The following TRHDE variants were observed in gnomAD, a reference collection of about 807,000 sequenced individuals.
TRHDE encodes thyrotropin-releasing hormone-degrading ectoenzyme.
TRHDE carries 72 observed loss-of-function variants against 125.7 expected under a neutral mutation model. The ratio of observed to expected loss-of-function variants is 0.57; its 90% CI spans 0.47 to 0.70. TRHDE has a LOEUF of 0.70. Ranked by LOEUF, TRHDE falls within the 30% of genes least tolerant of loss-of-function variation. The pLI is 0.00. For missense variants in TRHDE, 1,110 were observed against 1,327.1 expected (o/e 0.84, Z 2.54); for synonymous variants, 509 against 509.1 (o/e 1.00, Z 0.00).
At position 72,489,271 on chromosome 12, in the gene TRHDE, A is replaced by C. The variant is rs182080113; in HGVS notation, c.1585-10227A>C. On this transcript the variant is annotated intron_variant, in intron 5 of 18. Transcript: ENST00000261180. ...AGCTTTTAGCTAGCCTAATTAAGAA[A>C]AAAGAAGACTCAAACAAAAAACAAA... Among the ~76,000 whole-genome samples the C allele has an allele frequency of 5.2e-3, 795 of 151,488 alleles. 3 individuals are homozygous for C. The highest frequency in any genetic ancestry group is 8.4e-3 in the Non-Finnish European group (567 of 67,598).
At chr12:72,643,896 G>A (rs990272996) in intron 15 of TRHDE, among the ~76,000 whole-genome samples, 2 of 152,056 alleles carry the variant, frequency 1.3e-5, no homozygotes, top group African/African-American at 4.8e-5. Context: ...AAAGTTACAG[G>A]TAACATTTGT....
intron 2 of TRHDE, among the ~76,000 whole-genome samples, chr12:72,343,026 G>A (rs928002961): frequency 6.6e-6 from 1 of 152,086 alleles, no homozygotes; most frequent in African/African-American, 2.4e-5. Flanking sequence ...GAATGAAGAG[G>A]TTATATAACT....
At chr12:72,455,438 G>A (rs1875797445) in intron 3 of TRHDE, among the ~76,000 whole-genome samples, 2 of 152,004 alleles carry the variant, frequency 1.3e-5, no homozygotes, top group Admixed American at 6.6e-5. Context: ...AGTTTTTTTT[G>A]TAAAGGTAAA....
intron 15 of TRHDE, among the ~76,000 whole-genome samples, chr12:72,639,394 T>C (rs1001304664): frequency 1.3e-5 from 2 of 151,996 alleles, no homozygotes; most frequent in African/African-American, 4.8e-5. Context: ...GTTATTCTAG[T>C]TATACATTCT....
intron 6 of TRHDE, among the ~76,000 whole-genome samples, chr12:72,512,145 A>G (rs1444103648): frequency 5.3e-5 from 8 of 151,904 alleles, no homozygotes; most frequent in Admixed American, 4.6e-4. Context: ...TGATCTCATG[A>G]TATGAGAAGC....
intron 3 of TRHDE, among the ~76,000 whole-genome samples, chr12:72,411,612 G>T (rs74103312): frequency 0.063 from 9,586 of 152,076 alleles, 641 homozygotes; most frequent in African/African-American, 0.16. Context: ...TGGAATCTTA[G>T]CAGGCTCTTT....
chr12:72,161,689 C>G (rs1876641976), intron 2 of TRHDE, among the ~76,000 whole-genome samples: 1 of 152,066 alleles, frequency 6.6e-6, no homozygotes, highest in Admixed American at 6.6e-5. Flanking sequence ...GAGAACATAT[C>G]CTGCTTTGTT....
chr12:72,429,916 A>G (rs1874371634), intron 3 of TRHDE, among the ~76,000 whole-genome samples: 1 of 151,984 alleles, frequency 6.6e-6, no homozygotes, highest in East Asian at 1.9e-4. Flanking sequence ...CCCTTATCAG[A>G]TAGATATAAA....
At chr12:72,231,183 A>G (rs1484508838) in intron 2 of TRHDE, among the ~76,000 whole-genome samples, 1 of 152,154 alleles carries the variant, frequency 6.6e-6, no homozygotes, top group Non-Finnish European at 1.5e-5. Context: ...AAGGACAGGC[A>G]TGAAAATTAA....
intron 2 of TRHDE, among the ~76,000 whole-genome samples, chr12:72,221,697 C>T (rs1042045852): frequency 6.6e-6 from 1 of 151,966 alleles, no homozygotes; most frequent in Non-Finnish European, 1.5e-5. Flanking sequence ...TGGAATATTT[C>T]ATATATGACA....
chr12:72,372,645 G>A (rs1592397339), intron 2 of TRHDE, among the ~76,000 whole-genome samples: 2 of 152,116 alleles, frequency 1.3e-5, no homozygotes, highest in East Asian at 3.9e-4. Context: ...ATTAAATAGG[G>A]AATCCTTTCC....
At chr12:72,119,175 C>A (rs182921168) in intron 2 of TRHDE, among the ~76,000 whole-genome samples, 1 of 152,054 alleles carries the variant, frequency 6.6e-6, no homozygotes, top group East Asian at 1.9e-4. Flanking sequence ...TAGGCACTTA[C>A]GACTTTAAAT....
chr12:72,286,574 A>G (rs1879896579), intron 1 of TRHDE, 107 bp from the exon 2 acceptor site: 1 of 1,102,094 alleles, frequency 9.1e-7, no homozygotes, highest in Non-Finnish European at 1.3e-6. Context: ...AGAAAAAAAT[A>G]TTGCAATTTG....
chr12:72,575,509 C>A lies in TRHDE; in HGVS notation c.2288C>A (p.Ala763Glu). 2 of 1,613,598 alleles carry A rather than the reference C, an allele frequency of 1.2e-6. No homozygotes were observed. The highest frequency in any genetic ancestry group is 1.1e-5 in the South Asian group (1 of 91,072). Residue 763 changes from alanine to glutamate, a missense_variant, in exon 12 of 19, where the codon GCG becomes GAG. By Grantham distance (107) the Ala-to-Glu change is moderately radical (BLOSUM62 -1). Coordinates refer to ENST00000261180, the MANE Select transcript of TRHDE (RefSeq NM_013381.3). ...CAGGTTCTTTCTGTCAGTAACCGAG[C>A]GGGCTTGATCGATGATGCCTTCAGC... is the stretch of plus-strand genomic sequence containing the variant. ...NHEVLSVSNR[A>E]GLIDDAFSLA... is the part of the protein sequence containing the mutation.
chr12:72,541,840 C>G (rs537415758), intron 6 of TRHDE, among the ~76,000 whole-genome samples: 1 of 151,510 alleles, frequency 6.6e-6, no homozygotes, highest in East Asian at 1.9e-4. Context: ...TCTACTTCCA[C>G]AACTAAACTT....
chr12:72,302,398 A>G (rs757301860), intron 2 of TRHDE, among the ~76,000 whole-genome samples: 1 of 152,118 alleles, frequency 6.6e-6, no homozygotes, highest in Non-Finnish European at 1.5e-5. Context: ...GGAACTTCAT[A>G]AAAATCATTC....
intron 2 of TRHDE, among the ~76,000 whole-genome samples, chr12:72,265,661 A>G (rs1318173693): frequency 6.6e-6 from 1 of 151,926 alleles, no homozygotes; most frequent in Non-Finnish European, 1.5e-5. Flanking sequence ...ATAGTTTGAA[A>G]GTAGGAATTC....
At chr12:72,089,215 A>C (rs189787207) in intron 1 of TRHDE, among the ~76,000 whole-genome samples, 1 of 152,230 alleles carries the variant, frequency 6.6e-6, no homozygotes, top group African/African-American at 2.4e-5. Context: ...TGTTGCTGCC[A>C]TCCTGATCTG....
chr12:72,424,836 A>G (rs2135831879), intron 3 of TRHDE, among the ~76,000 whole-genome samples: 1 of 152,308 alleles, frequency 6.6e-6, no homozygotes, highest in South Asian at 2.1e-4. Flanking sequence ...TATTCATTTA[A>G]TAAGTATTTA....
Sources: gnomAD v4.1 joint callset for allele counts (sites outside exome capture counted in the v4.1 genomes callset) on GRCh38, gnomAD v4.1.1 for gene constraint, MANE v1.5 for transcripts, NCBI Gene and HGNC (gene_info 2026-07-23, HGNC 2026-07-21) for gene names.